Variants in LRP1B observed in about 807,000 individuals in gnomAD.
LRP1B encodes the protein low-density lipoprotein receptor-related protein 1B.
A neutral mutation model predicts 556.6 loss-of-function variants in LRP1B; 217 were observed. The ratio of observed to expected loss-of-function variants is 0.39; its 90% confidence interval spans 0.35 to 0.44. LRP1B has a LOEUF of 0.44. LRP1B is among the 20% of genes least tolerant of loss of function. The pLI is 1.00. For synonymous variants in LRP1B, 2,047 were observed against 1,865.8 expected (o/e 1.10, Z -2.50); for missense variants, 5,053 against 5,620.8 (o/e 0.90, Z 3.23).
In LRP1B at chr2:140,503,050, G is replaced by T; in HGVS notation, c.8575C>A (p.Leu2859Ile). 6.2e-7 allele frequency: 1 copy of T among 1,613,372 alleles called. No individual in the cohort carries two copies. Among genetic ancestry groups the T allele is most frequent in the African/African-American group, 1.3e-5 (1 of 75,012 alleles). The change falls in exon 54 of 91, where the codon CTA (leucine) becomes ATA (isoleucine). Residue 2859 changes from leucine (L) to isoleucine (I), a missense_variant. Physicochemically the swap from Leu to Ile is conservative, Grantham distance 5. Around this residue, in one of 5 missense-constraint regions of LRP1B, gnomAD observed 3,619 missense variants for 3,931.9 expected, o/e 0.92. Transcript: ENST00000389484. ...CCATCACACTGCCATTGAGTATTTAGAAGACACCGCCCATCAGCACAACTA... is the reference window on the plus strand; with the variant it reads ...CCATCACACTGCCATTGAGTATTTATAAGACACCGCCCATCAGCACAACTA... ...EFSCADGRCLLNTQWQCDGDF... is the reference protein window; with the variant it reads ...EFSCADGRCLINTQWQCDGDF...
At chr2:141,490,750 C>A (rs1031681574) in intron 2 of LRP1B, among the ~76,000 whole-genome samples, 3 of 152,110 alleles carry the variant, frequency 2.0e-5, no homozygotes, top group Non-Finnish European at 4.4e-5. Context: ...ATAGAAGGAA[C>A]TCAGCCTGGA....
At chr2:141,142,550 A>G (rs929263642) in intron 7 of LRP1B, among the ~76,000 whole-genome samples, 3 of 152,206 alleles carry the variant, frequency 2.0e-5, no homozygotes, top group African/African-American at 7.2e-5. Context: ...AAAGTAGATG[A>G]CAACAGAACA....
At chr2:140,485,817 T>A (rs1236169836) in intron 58 of LRP1B, among the ~76,000 whole-genome samples, 1 of 149,002 alleles carries the variant, frequency 6.7e-6, no homozygotes, top group Non-Finnish European at 1.5e-5. Context: ...TTCATCCTCT[T>A]AAAATTTGGG....
intron 83 of LRP1B, among the ~76,000 whole-genome samples, chr2:140,311,625 T>C (rs1221677126): frequency 6.6e-6 from 1 of 151,830 alleles, no homozygotes; most frequent in Non-Finnish European, 1.5e-5. Flanking sequence ...CTACACAATA[T>C]ATCCATGTAA....
At chr2:140,641,459 A>G (rs1684290789) in intron 41 of LRP1B, among the ~76,000 whole-genome samples, 1 of 152,230 alleles carries the variant, frequency 6.6e-6, no homozygotes, top group Non-Finnish European at 1.5e-5. Context: ...TAAGATTTCT[A>G]AAGTTTTCCA....
intron 3 of LRP1B, among the ~76,000 whole-genome samples, chr2:141,389,587 G>A (rs894717714): frequency 2.6e-5 from 4 of 151,174 alleles, no homozygotes; most frequent in Non-Finnish European, 1.5e-5. Context: ...GAGAACAAAC[G>A]CACGAGGAGC....
intron 2 of LRP1B, among the ~76,000 whole-genome samples, chr2:141,580,282 G>T (rs1420823432): frequency 6.6e-6 from 1 of 152,044 alleles, no homozygotes; most frequent in African/African-American, 2.4e-5. Context: ...ATTTCTCCTG[G>T]ATTACATGAT....
chr2:141,364,309 AGTTG>A (rs1175682383), intron 3 of LRP1B, among the ~76,000 whole-genome samples: 15 of 147,532 alleles, frequency 1.0e-4, no homozygotes, highest in African/African-American at 3.9e-4. Flanking sequence ...ACACACACAC[AGTTG>A]AATGATTAAA....
At chr2:141,138,790 C>T (rs969934593) in intron 7 of LRP1B, among the ~76,000 whole-genome samples, 10 of 151,836 alleles carry the variant, frequency 6.6e-5, no homozygotes, top group African/African-American at 2.4e-4. Context: ...GATGTCTGTT[C>T]TCTCCAAACT....
chr2:140,493,702 T>C (rs937628259), intron 56 of LRP1B, among the ~76,000 whole-genome samples: 26 of 152,208 alleles, frequency 1.7e-4, no homozygotes, highest in African/African-American at 6.3e-4. Flanking sequence ...TTTTATAAAT[T>C]ATTTATTGTT....
chr2:141,050,671 T>G (rs1699010451), intron 10 of LRP1B, among the ~76,000 whole-genome samples: 1 of 152,002 alleles, frequency 6.6e-6, no homozygotes, highest in Non-Finnish European at 1.5e-5. Flanking sequence ...ACCAAAACCA[T>G]AAAAATCCTA....
chr2:140,696,545 C>T (rs1270706588), intron 41 of LRP1B, among the ~76,000 whole-genome samples: 1 of 152,034 alleles, frequency 6.6e-6, no homozygotes, highest in Non-Finnish European at 1.5e-5. Flanking sequence ...AATCATTGTC[C>T]TCAATCAGAG....
intron 11 of LRP1B, 87 bp from the exon 12 acceptor site, chr2:141,020,189 C>T (rs1349890616): frequency 2.3e-6 from 2 of 861,546 alleles, no homozygotes; most frequent in Non-Finnish European, 3.3e-6. Context: ...CTAATAAAAA[C>T]TTTAGTTCAA....
intron 18 of LRP1B, among the ~76,000 whole-genome samples, chr2:140,964,575 C>T (rs1430762833): frequency 1.4e-5 from 2 of 143,018 alleles, no homozygotes; most frequent in Non-Finnish European, 3.1e-5. Context: ...ACAGAAGGCT[C>T]GCACTCTTGT....
chr2:140,979,605 T>C (rs1696705472), intron 18 of LRP1B, among the ~76,000 whole-genome samples: 1 of 152,058 alleles, frequency 6.6e-6, no homozygotes, highest in Non-Finnish European at 1.5e-5. Flanking sequence ...AGGCAAACAA[T>C]ACATCAGGGT....
intron 3 of LRP1B, among the ~76,000 whole-genome samples, chr2:141,270,800 C>T (rs1172218709): frequency 6.6e-6 from 1 of 151,736 alleles, no homozygotes; most frequent in African/African-American, 2.4e-5. Context: ...AAACAAGAAT[C>T]CATTACTTAA....
chr2:141,466,545 G>A (rs1221843738), intron 3 of LRP1B, among the ~76,000 whole-genome samples: 1 of 152,120 alleles, frequency 6.6e-6, no homozygotes. Flanking sequence ...CCTGATCAAT[G>A]GGATAAAGGT....
At chr2:140,969,719 A>C (rs539807031) in intron 18 of LRP1B, among the ~76,000 whole-genome samples, 1 of 152,066 alleles carries the variant, frequency 6.6e-6, no homozygotes, top group Non-Finnish European at 1.5e-5. Flanking sequence ...GTGCGGGCCT[A>C]GTGGTGACAA....
intron 2 of LRP1B, among the ~76,000 whole-genome samples, chr2:141,718,465 A>G (rs1692698730): frequency 6.6e-6 from 1 of 152,188 alleles, no homozygotes; most frequent in African/African-American, 2.4e-5. Flanking sequence ...GGGTTTTGGA[A>G]TCCATCTAGG....
Sources: allele counts gnomAD v4.1 joint callset (sites outside exome capture counted in the v4.1 genomes callset), GRCh38; gene constraint gnomAD v4.1.1; regional missense constraint gnomAD v4.1.1; transcripts MANE v1.5; gene names NCBI Gene and HGNC (gene_info 2026-07-23, HGNC 2026-07-21).